Variants in RAB31 observed in about 807,000 individuals in gnomAD.
The protein encoded by RAB31 is RAB31, member RAS oncogene family, also known as ras-related protein Rab-31.
RAB31 carries 21 observed loss-of-function variants against 25.6 expected under a neutral mutation model. The observed-to-expected ratio is 0.82, with a 90% CI of 0.58 to 1.18. The LOEUF (loss-of-function observed/expected upper bound fraction) is 1.18, where lower values mean the gene tolerates loss of function less well. Among genes scored for constraint, RAB31 ranks in the 50% most tolerant of loss-of-function variants. The probability of loss-of-function intolerance (pLI) is 0.00; values close to 1 mark genes in which losing one functional copy is unlikely to be tolerated. For missense variants in RAB31, 196 were observed against 250.1 expected (o/e 0.78, Z 1.46); for synonymous variants, 87 against 84.0 (o/e 1.04, Z -0.20).
intron 6 of RAB31, among the ~76,000 whole-genome samples, chr18:9,846,788 T>C (rs893330998): frequency 6.6e-6 from 1 of 152,226 alleles, no homozygotes; most frequent in South Asian, 2.1e-4. Context: ...TTGTTTATGT[T>C]GGCTTGATGG....
At chr18:9,711,315 T>G (rs1386595756) in intron 1 of RAB31, among the ~76,000 whole-genome samples, 1 of 151,980 alleles carries the variant, frequency 6.6e-6, no homozygotes, top group Non-Finnish European at 1.5e-5. Context: ...CTAGGTTTAT[T>G]CTCTTGATTC....
intron 1 of RAB31, among the ~76,000 whole-genome samples, chr18:9,745,566 T>C (rs12605635): frequency 0.031 from 4,667 of 152,226 alleles, 172 homozygotes; most frequent in South Asian, 0.14. Context: ...CCCAGAAGTA[T>C]ATTAAAAGGA....
At chr18:9,838,181 C>T (rs1411289029) in intron 5 of RAB31, among the ~76,000 whole-genome samples, 1 of 152,204 alleles carries the variant, frequency 6.6e-6, no homozygotes, top group Non-Finnish European at 1.5e-5. Context: ...TGGTGGAATG[C>T]ATGGACGACA....
intron 1 of RAB31, among the ~76,000 whole-genome samples, chr18:9,734,646 G>T (rs948488747): frequency 6.6e-6 from 1 of 152,150 alleles, no homozygotes; most frequent in African/African-American, 2.4e-5. Context: ...AGCGGGGCCC[G>T]AGGAGCCACC....
chr18:9,818,697 A>G (rs1202143439), intron 5 of RAB31, among the ~76,000 whole-genome samples: 2 of 152,204 alleles, frequency 1.3e-5, no homozygotes, highest in African/African-American at 4.8e-5. Context: ...TAGGATATGT[A>G]CTTAGGAGTG....
chr18:9,781,479 G>T (rs1225014752), intron 2 of RAB31, among the ~76,000 whole-genome samples: 1 of 152,136 alleles, frequency 6.6e-6, no homozygotes, highest in African/African-American at 2.4e-5. Context: ...TCCACGCCTG[G>T]CTGATGTATT....
chr18:9,719,495 GT>G (rs1453224997), intron 1 of RAB31, among the ~76,000 whole-genome samples: 1 of 150,944 alleles, frequency 6.6e-6, no homozygotes, highest in East Asian at 1.9e-4. Flanking sequence ...TATCCTATTT[GT>G]TCTCCTCTTT....
At chr18:9,732,262 C>T (rs914948760) in intron 1 of RAB31, among the ~76,000 whole-genome samples, 35 of 152,206 alleles carry the variant, frequency 2.3e-4, no homozygotes, top group African/African-American at 7.0e-4. Flanking sequence ...AGGAGAGGGC[C>T]GGTCACCGGA....
At chr18:9,714,251 A>T (rs1275559633) in intron 1 of RAB31, among the ~76,000 whole-genome samples, 1 of 152,194 alleles carries the variant, frequency 6.6e-6, no homozygotes. Context: ...TTTTCCACAG[A>T]TGGGAGCAGG....
chr18:9,807,740 A>G (rs988673346), intron 3 of RAB31, among the ~76,000 whole-genome samples: 1 of 152,140 alleles, frequency 6.6e-6, no homozygotes, highest in South Asian at 2.1e-4. Context: ...TTGGGAGGCC[A>G]AGGCAAAAAG....
intron 1 of RAB31, among the ~76,000 whole-genome samples, chr18:9,753,326 G>T (rs528084302): frequency 6.6e-6 from 1 of 150,680 alleles, no homozygotes; most frequent in African/African-American, 2.4e-5. Flanking sequence ...GTATTAATGG[G>T]ATTAATGGGT....
chr18:9,822,581 C>CT (rs2068629386), intron 5 of RAB31, among the ~76,000 whole-genome samples: 2 of 152,040 alleles, frequency 1.3e-5, no homozygotes, highest in African/African-American at 4.8e-5. Flanking sequence ...CTATAAGGGA[C>CT]TAGTATGTAG....
intron 1 of RAB31, among the ~76,000 whole-genome samples, chr18:9,769,988 C>T (rs1046331297): frequency 1.3e-5 from 2 of 152,094 alleles, no homozygotes; most frequent in Non-Finnish European, 2.9e-5. Context: ...TGATGGATTA[C>T]GATTATTGAT....
intron 6 of RAB31, 135 bp from the exon 7 acceptor site, chr18:9,859,093 A>G: frequency 1.5e-6 from 1 of 676,476 alleles, no homozygotes; most frequent in Non-Finnish European, 2.5e-6. Context: ...GGAAGGAAGG[A>G]GAAAGGAGCC....
At chr18:9,741,546 C>T (rs551088713) in intron 1 of RAB31, among the ~76,000 whole-genome samples, 10 of 152,252 alleles carry the variant, frequency 6.6e-5, no homozygotes, top group Non-Finnish European at 1.2e-4. Context: ...CTGCCAGCCA[C>T]GCACCATCTG....
rs183281499 is a variant in RAB31, at chr18:9,851,145, A to T, written c.490+5454A>T. ...TGAAGGTAAGTTTAGCAGTTAAGGAACAAGGAAAGGACAAAGACAAAGTTT... is the reference window on the plus strand; with the variant it reads ...TGAAGGTAAGTTTAGCAGTTAAGGATCAAGGAAAGGACAAAGACAAAGTTT... On this transcript the variant is annotated intron_variant, in intron 6 of 6. Transcript: ENST00000578921. 1.3e-4 allele frequency among the ~76,000 whole-genome samples: 20 copies of T among 152,328 alleles called. No homozygotes were observed. The East Asian group carries it at 3.9e-3, about 29-fold the overall frequency.
intron 1 of RAB31, among the ~76,000 whole-genome samples, chr18:9,740,511 C>T (rs936906653): frequency 6.6e-6 from 1 of 152,030 alleles, no homozygotes; most frequent in Non-Finnish European, 1.5e-5. Context: ...GTCAGGAGTT[C>T]GAGACCAGCC....
intron 3 of RAB31, among the ~76,000 whole-genome samples, chr18:9,812,284 C>T (rs941876952): frequency 2.6e-5 from 4 of 152,202 alleles, no homozygotes; most frequent in Admixed American, 2.0e-4. Flanking sequence ...TTCCCATTTA[C>T]TCCCATAAAC....
chr18:9,775,165 C>G, intron 1 of RAB31, 113 bp from the exon 2 acceptor site: 1 of 1,537,292 alleles, frequency 6.5e-7, no homozygotes, highest in South Asian at 1.2e-5. Flanking sequence ...CTCCCAGTCT[C>G]ATCAACCAGA....
Sources: allele counts gnomAD v4.1 joint callset (sites outside exome capture counted in the v4.1 genomes callset), GRCh38; gene constraint gnomAD v4.1.1; transcripts MANE v1.5; gene names NCBI Gene and HGNC (gene_info 2026-07-23, HGNC 2026-07-21).